OR8B12: variants seen among roughly 807,000 people sequenced by gnomAD.
OR8B12 encodes the protein olfactory receptor family 8 subfamily B member 12.
For missense variants in OR8B12, 383 were observed against 376.4 expected (o/e 1.02, Z -0.14); for synonymous variants, 152 against 148.8 (o/e 1.02, Z -0.16).
Position 124,543,128 on chromosome 11 carries a change from A to G in OR8B12, c.527T>C (p.Phe176Ser). 1 of 1,614,070 alleles carries G rather than the reference A, an allele frequency of 6.2e-7. No homozygotes were observed. The highest frequency in any genetic ancestry group is 1.7e-5 in the Admixed American group (1 of 60,016). The change falls in exon 1 of 1, where the codon TTC (phenylalanine) becomes TCC (serine). Residue 176 changes from phenylalanine (F) to serine (S), a missense_variant. Phe to Ser is a radical substitution (Grantham distance 155, BLOSUM62 -2). Transcript: ENST00000306842. ...AAGGAGAGGAAGGATGTCACACATG[A>G]AATGATTGACAAGGTTGTCAGCACA... ...TFCADNLVNH[F>S]MCDILPLLEL...
In OR8B12 at chr11:124,543,549, C is replaced by A. The variant is rs756562691; in HGVS notation, c.106G>T (p.Val36Phe). Residue 36 changes from valine to phenylalanine, a missense_variant, in exon 1 of 1, where the codon GTC (valine) becomes TTC (phenylalanine). Coordinates refer to ENST00000306842, the MANE Select transcript of OR8B12 (RefSeq NM_001005195.1). ...AAGCCCAGGTTCCCCACCACGGTGA[C>A]CGTGTAGAAACCCAGAAACAGGAAG... Reference protein sequence around the residue: ...LFFLFLGFYTVTVVGNLGLIT... With the variant: ...LFFLFLGFYTFTVVGNLGLIT... 23 of 1,613,966 alleles carry A rather than the reference C, an allele frequency of 1.4e-5. No individual in the cohort carries two copies. The Admixed American group carries it at 3.8e-4, about 27-fold the overall frequency.
In OR8B12 at chr11:124,542,801, T is replaced by C. The variant is rs868726283; in HGVS notation, c.854A>G (p.Asn285Ser). Reference protein sequence around the residue: ...LFYTIIVPVLNPLIYSLRNKD... With the variant: ...LFYTIIVPVLSPLIYSLRNKD... Reference sequence around the variant, plus strand: ...GTTCCTCAAGCTATAGATTAATGGGTTTAACACGGGGACTATTATGGTATA... The same window carrying C: ...GTTCCTCAAGCTATAGATTAATGGGCTTAACACGGGGACTATTATGGTATA... The change falls in exon 1 of 1, where the codon AAC becomes AGC. Residue 285 changes from asparagine to serine, a missense_variant. Physicochemically the swap from Asn to Ser is conservative, Grantham distance 46. Coordinates refer to ENST00000306842, the MANE Select transcript of OR8B12 (RefSeq NM_001005195.1). 6.2e-7 allele frequency: 1 copy of C among 1,613,812 alleles called. No homozygotes were observed.
chr11:124,543,117 T>C lies in OR8B12; in HGVS notation c.538A>G (p.Ile180Val). The C allele has an allele frequency of 6.2e-7, 1 of 1,613,842 alleles. No homozygotes were observed. Among genetic ancestry groups the C allele is most frequent in the East Asian group, 2.2e-5 (1 of 44,856 alleles). ...CAGGAGAGCTCAAGGAGAGGAAGGA[T>C]GTCACACATGAAATGATTGACAAGG... ...DNLVNHFMCD[I>V]LPLLELSCNS... is the part of the protein sequence containing the mutation. The change falls in exon 1 of 1, where the codon ATC (isoleucine) becomes GTC (valine). Residue 180 changes from isoleucine (I) to valine (V), a missense_variant. Ile to Val is a conservative substitution (Grantham distance 29). Coordinates refer to ENST00000306842, the MANE Select transcript of OR8B12 (RefSeq NM_001005195.1).
Position 124,542,878 on chromosome 11 carries a change from G to A in OR8B12, c.777C>T (p.Leu259=). The change falls in exon 1 of 1, where the codon CTC becomes CTT. Residue 259 remains leucine, a synonymous_variant. Coordinates refer to ENST00000306842, the MANE Select transcript of OR8B12 (RefSeq NM_001005195.1). ...LFFGSGAFMY[L]KPLSILPLEQ... is the part of the protein sequence containing the mutation. ...CGAGGGGCAGGATGGAAAGGGGTTT[G>A]AGATACATGAAAGCACCAGAACCAA... 5 of 1,614,038 alleles carry A rather than the reference G, an allele frequency of 3.1e-6. No homozygotes were observed. The highest frequency in any genetic ancestry group is 4.2e-6 in the Non-Finnish European group (5 of 1,179,988).
chr11:124,543,353 A>G lies in OR8B12; in HGVS notation c.302T>C (p.Phe101Ser), dbSNP rs1862391946. The G allele has an allele frequency of 6.2e-7, 1 of 1,614,122 alleles. No individual in the cohort carries two copies. The highest frequency in any genetic ancestry group is 1.7e-4 in the Middle Eastern group (1 of 6,060). Residue 101 changes from phenylalanine to serine, a missense_variant, in exon 1 of 1, where the codon TTC becomes TCC. By Grantham distance (155) the Phe-to-Ser change is radical. Coordinates refer to ENST00000306842, the MANE Select transcript of OR8B12 (RefSeq NM_001005195.1). ...ISFTGCMTQL[F>S]FFCFFVVSES... ...AGAGACGACAAAGAAGCAGAAGAAG[A>G]AGAGCTGAGTCATACACCCTGTGAA... is the stretch of plus-strand genomic sequence containing the variant.
rs139449552 is a variant in OR8B12 at position 124,542,779 on chromosome 11, C to A, written c.876G>T (p.Arg292Ser). ...PVLNPLIYSL[R>S]NKDVKVALRR... ...TCAGGGCAACTTTGACATCCTTGTT[C>A]CTCAAGCTATAGATTAATGGGTTTA... The change falls in exon 1 of 1, where the codon AGG becomes AGT. Residue 292 changes from arginine (R) to serine (S), a missense_variant. Arg to Ser is a moderately radical substitution (Grantham distance 110, BLOSUM62 -1). Transcript: ENST00000306842. The A allele has an allele frequency of 2.7e-5, 44 of 1,609,386 alleles. No homozygotes were observed. The highest frequency in any genetic ancestry group is 3.5e-5 in the Non-Finnish European group (41 of 1,178,522).
chr11:124,543,085 G>T lies in OR8B12; in HGVS notation c.570C>A (p.Ser190Arg). ...ILPLLELSCNSSYMNELVVFI... is the reference protein window; with the variant it reads ...ILPLLELSCNRSYMNELVVFI... ...AGACCACCAGCTCATTCATGTAAGA[G>T]CTGTTGCAGGAGAGCTCAAGGAGAG... Residue 190 changes from serine (S) to arginine (R), a missense_variant, in exon 1 of 1, where the codon AGC becomes AGA. Transcript: ENST00000306842. The T allele has an allele frequency of 6.2e-7, 1 of 1,614,048 alleles. No homozygotes were observed. Among genetic ancestry groups the T allele is most frequent in the Non-Finnish European group, 8.5e-7 (1 of 1,179,966 alleles).
In OR8B12 at chr11:124,543,307, C is replaced by T. The variant is rs762652267; in HGVS notation, c.348G>A (p.Ala116=). 1.4e-5 allele frequency: 22 copies of T among 1,613,858 alleles called. No individual in the cohort carries two copies. Among genetic ancestry groups the T allele is most frequent in the East Asian group, 2.2e-5 (1 of 44,858 alleles). ...FVVSESFILS[A]MAYDRYVAIC... is the part of the protein sequence containing the mutation. ...TGGCCACGTAGCGGTCATACGCCAT[C>T]GCTGACAGGATGAAGGACTCAGAGA... Residue 116 remains alanine (A), a synonymous_variant, in exon 1 of 1, where the codon GCG becomes GCA. Coordinates refer to ENST00000306842, the MANE Select transcript of OR8B12 (RefSeq NM_001005195.1).
rs1179083400 is a variant in OR8B12 at position 124,543,340 on chromosome 11, G to T, written c.315C>A (p.Phe105Leu). 1 of 1,614,058 alleles carries T rather than the reference G, an allele frequency of 6.2e-7. No individual in the cohort carries two copies. The highest frequency in any genetic ancestry group is 1.1e-5 in the South Asian group (1 of 91,076). Residue 105 changes from phenylalanine to leucine, a missense_variant, in exon 1 of 1, where the codon TTC becomes TTA. By Grantham distance (22) the Phe-to-Leu change is conservative. Coordinates refer to ENST00000306842, the MANE Select transcript of OR8B12 (RefSeq NM_001005195.1). ...GCMTQLFFFC[F>L]FVVSESFILS... is the part of the protein sequence containing the mutation. ...GGATGAAGGACTCAGAGACGACAAA[G>T]AAGCAGAAGAAGAAGAGCTGAGTCA...
In OR8B12 at chr11:124,542,760, C is replaced by A; in HGVS notation, c.895G>T (p.Ala299Ser). ...TTTCTGCCCAAAGTTCTCCTCAGGG[C>A]AACTTTGACATCCTTGTTCCTCAAG... ...YSLRNKDVKVALRRTLGRKIF... is the reference protein window; with the variant it reads ...YSLRNKDVKVSLRRTLGRKIF... Residue 299 changes from alanine to serine, a missense_variant, in exon 1 of 1, where the codon GCC (alanine) becomes TCC (serine). Transcript: ENST00000306842. 1.2e-6 allele frequency: 2 copies of A among 1,603,252 alleles called. No individual in the cohort carries two copies. The highest frequency in any genetic ancestry group is 2.3e-5 in the South Asian group (2 of 88,192).
Position 124,543,357 on chromosome 11 carries a change from G to A in OR8B12, c.298C>T (p.Leu100Phe), listed in dbSNP as rs887120648. The change falls in exon 1 of 1, where the codon CTC becomes TTC. Residue 100 changes from leucine to phenylalanine, a missense_variant. Leu to Phe is a conservative substitution (Grantham distance 22, BLOSUM62 0). Coordinates refer to ENST00000306842, the MANE Select transcript of OR8B12 (RefSeq NM_001005195.1). ...ACGACAAAGAAGCAGAAGAAGAAGA[G>A]CTGAGTCATACACCCTGTGAAGGAA... ...IISFTGCMTQ[L>F]FFFCFFVVSE... The A allele has an allele frequency of 3.5e-5, 57 of 1,612,986 alleles. No individual in the cohort carries two copies. The highest frequency in any genetic ancestry group is 4.6e-5 in the Non-Finnish European group (54 of 1,179,174).
Position 124,543,334 on chromosome 11 carries a change from G to T in OR8B12, c.321C>A (p.Val107=), listed in dbSNP as rs373688316. Residue 107 remains valine (V), a synonymous_variant, in exon 1 of 1, where the codon GTC becomes GTA. Coordinates refer to ENST00000306842, the MANE Select transcript of OR8B12 (RefSeq NM_001005195.1). ...MTQLFFFCFF[V]VSESFILSAM... is the part of the protein sequence containing the mutation. The stretch of plus-strand genomic sequence containing the variant: ...CTGACAGGATGAAGGACTCAGAGAC[G>T]ACAAAGAAGCAGAAGAAGAAGAGCT... 6.2e-7 allele frequency: 1 copy of T among 1,614,042 alleles called. No homozygotes were observed. Among genetic ancestry groups the T allele is most frequent in the South Asian group, 1.1e-5 (1 of 91,078 alleles).
In OR8B12 at chr11:124,543,079, G is replaced by A; in HGVS notation, c.576C>T (p.Tyr192=). ...CAATAAAGACCACCAGCTCATTCAT[G>A]TAAGAGCTGTTGCAGGAGAGCTCAA... ...PLLELSCNSS[Y]MNELVVFIVV... is the part of the protein sequence containing the mutation. Residue 192 remains tyrosine, a synonymous_variant, in exon 1 of 1, where the codon TAC becomes TAT. Transcript: ENST00000306842. The A allele has an allele frequency of 6.2e-7, 1 of 1,614,036 alleles. No homozygotes were observed.
Position 124,543,422 on chromosome 11 carries a change from G to T in OR8B12, c.233C>A (p.Pro78His). ...TGAGACAAAACTCATCAGCATTTTG[G>T]GAGTGATGGTAGTGGAGAAACAGAA... ...IDFCFSTTIT[P>H]KMLMSFVSRK... Residue 78 changes from proline (P) to histidine (H), a missense_variant, in exon 1 of 1, where the codon CCC becomes CAC. Coordinates refer to ENST00000306842, the MANE Select transcript of OR8B12 (RefSeq NM_001005195.1). 6.2e-7 allele frequency: 1 copy of T among 1,613,972 alleles called. No homozygotes were observed. The highest frequency in any genetic ancestry group is 8.5e-7 in the Non-Finnish European group (1 of 1,179,900).
In OR8B12 at chr11:124,543,578, AG is replaced by A; in HGVS notation, c.76del (p.Leu26SerfsTer19). On this transcript the variant is annotated frameshift_variant, in exon 1 of 1. Coordinates refer to ENST00000306842, the MANE Select transcript of OR8B12 (RefSeq NM_001005195.1). LOFTEE classifies it low-confidence loss of function (END_TRUNC). ...GTAGAAACCCAGAAACAGGAAGAAG[AG>A]GGGGATCCGCAGTCCCGGCTGGTGG... ...LTHQPGLRIP[L>X]FFLFLGFYTV... 1 of 1,614,066 alleles carries A rather than the reference AG, an allele frequency of 6.2e-7. No individual in the cohort carries two copies. Among genetic ancestry groups the A allele is most frequent in the South Asian group, 1.1e-5 (1 of 91,076 alleles).
Position 124,543,435 on chromosome 11 carries a change from T to C in OR8B12, c.220A>G (p.Thr74Ala). 6.2e-7 allele frequency: 1 copy of C among 1,613,950 alleles called. No individual in the cohort carries two copies. The highest frequency in any genetic ancestry group is 1.1e-5 in the South Asian group (1 of 91,064). Residue 74 changes from threonine to alanine, a missense_variant, in exon 1 of 1, where the codon ACT (threonine) becomes GCT (alanine). Thr to Ala is a moderately conservative substitution (Grantham distance 58, BLOSUM62 0). Transcript: ENST00000306842. ...NLSLIDFCFS[T>A]TITPKMLMSF... The stretch of plus-strand genomic sequence containing the variant: ...ATCAGCATTTTGGGAGTGATGGTAG[T>C]GGAGAAACAGAAATCTATTAAAGAG...
rs1862393823 is a variant in OR8B12, at chr11:124,543,515, A to C, written c.140T>G (p.Leu47Arg). 1 of 1,614,004 alleles carries C rather than the reference A, an allele frequency of 6.2e-7. No homozygotes were observed. Among genetic ancestry groups the C allele is most frequent in the African/African-American group, 1.3e-5 (1 of 74,930 alleles). ...GTGCAGGTGAGAGTTCAGCCCAATC[A>C]GGGTTATCAAGCCCAGGTTCCCCAC... ...TVVGNLGLITLIGLNSHLHTP... is the reference protein window; with the variant it reads ...TVVGNLGLITRIGLNSHLHTP... Residue 47 changes from leucine (L) to arginine (R), a missense_variant, in exon 1 of 1, where the codon CTG becomes CGG. By Grantham distance (102) the Leu-to-Arg change is moderately radical. Coordinates refer to ENST00000306842, the MANE Select transcript of OR8B12 (RefSeq NM_001005195.1).
At position 124,543,372 on chromosome 11, in the gene OR8B12, C is replaced by T. The variant is rs769280100; in HGVS notation, c.283G>A (p.Gly95Arg). 2 of 1,614,114 alleles carry T rather than the reference C, an allele frequency of 1.2e-6. No homozygotes were observed. Among genetic ancestry groups the T allele is most frequent in the Admixed American group, 1.7e-5 (1 of 60,016 alleles). The change falls in exon 1 of 1, where the codon GGG becomes AGG. Residue 95 changes from glycine (G) to arginine (R), a missense_variant. By Grantham distance (125) the Gly-to-Arg change is moderately radical. Transcript: ENST00000306842. ...AAGAAGAAGAGCTGAGTCATACACC[C>T]TGTGAAGGAAATGATGTTCTTCCTT... ...VSRKNIISFT[G>R]CMTQLFFFCF...
chr11:124,542,998 G>A lies in OR8B12; in HGVS notation c.657C>T (p.Leu219=). ...TGTTGTGTAGAATGCTGGAGAGGAT[G>A]AGGGCATAAGAAATAAAGACAGTGA... ...PIVTVFISYA[L]ILSSILHNSS... is the part of the protein sequence containing the mutation. Residue 219 remains leucine, a synonymous_variant, in exon 1 of 1, where the codon CTC becomes CTT. Coordinates refer to ENST00000306842, the MANE Select transcript of OR8B12 (RefSeq NM_001005195.1). 1 of 1,613,840 alleles carries A rather than the reference G, an allele frequency of 6.2e-7. No individual in the cohort carries two copies. Among genetic ancestry groups the A allele is most frequent in the Non-Finnish European group, 8.5e-7 (1 of 1,179,934 alleles).
Sources: allele counts gnomAD v4.1 joint callset, GRCh38; gene constraint gnomAD v4.1.1; transcripts MANE v1.5; gene names NCBI Gene and HGNC (gene_info 2026-07-23, HGNC 2026-07-21).